LTBP2: variants seen among roughly 807,000 people sequenced by gnomAD.
LTBP2 encodes the protein latent-transforming growth factor beta-binding protein 2.
A neutral mutation model predicts 210.6 loss-of-function variants in LTBP2; 103 were observed. That is an observed-to-expected ratio of 0.49 (90% CI 0.42 to 0.58). LTBP2 has a LOEUF of 0.58. Among genes scored for constraint, LTBP2 ranks in the 20% least tolerant of loss-of-function variants. The pLI is 0.00. For synonymous variants in LTBP2, 1,007 were observed against 1,015.0 expected (o/e 0.99, Z 0.15); for missense variants, 2,313 against 2,494.5 (o/e 0.93, Z 1.55).
intron 8 of LTBP2, among the ~76,000 whole-genome samples, chr14:74,540,772 A>T (rs2087483451): frequency 1.2e-5 from 1 of 82,990 alleles, no homozygotes; most frequent in South Asian, 3.4e-4. Flanking sequence ...CTTAAAAAAT[A>T]TATATATATA....
intron 30 of LTBP2, 58 bp downstream of exon 30, chr14:74,504,720 G>A: frequency 6.5e-7 from 1 of 1,545,716 alleles, no homozygotes; most frequent in Non-Finnish European, 8.9e-7. Context: ...CCCTGTGGAG[G>A]AGCAGGCTAG....
chr14:74,585,651 T>C (rs951392102), intron 3 of LTBP2, among the ~76,000 whole-genome samples: 1 of 152,162 alleles, frequency 6.6e-6, no homozygotes, highest in Non-Finnish European at 1.5e-5. Flanking sequence ...CACCCCAGGC[T>C]GGCAAAGCCC....
rs1157885885 is a variant in LTBP2, at chr14:74,499,034, GAGTT to G, written c.*1846_*1849del. The stretch of plus-strand genomic sequence containing the variant: ...TAGAAGTGGAAACTACTGGATCAAA[GAGTT>G]AGTGCTTTTATAATTTTGAAGGACA... On this transcript the variant is annotated 3_prime_UTR_variant, in exon 36 of 36. Coordinates refer to ENST00000261978, the MANE Select transcript of LTBP2 (RefSeq NM_000428.3). 1 of 219,148 alleles carries G rather than the reference GAGTT, an allele frequency of 4.6e-6. No homozygotes were observed. Among genetic ancestry groups the G allele is most frequent in the African/African-American group, 2.2e-5 (1 of 44,638 alleles). 13.6% of individuals were successfully genotyped at this position (219,148 alleles called of 1,614,324 possible). A position where few individuals can be genotyped will look rare whatever the true frequency, so the allele number is the denominator to read the frequency against.
At chr14:74,514,830 C>T (rs983495912) in intron 18 of LTBP2, among the ~76,000 whole-genome samples, 2 of 152,122 alleles carry the variant, frequency 1.3e-5, no homozygotes, top group South Asian at 2.1e-4. Context: ...TGACTGGGCT[C>T]CCAGGGTGAT....
chr14:74,552,468 G>A, intron 5 of LTBP2, 75 bp from the exon 6 acceptor site: 1 of 1,407,512 alleles, frequency 7.1e-7, no homozygotes, highest in Non-Finnish European at 9.9e-7. Context: ...GACCACCACA[G>A]AGAAACAGGC....
intron 3 of LTBP2, among the ~76,000 whole-genome samples, chr14:74,562,176 C>G (rs1200030988): frequency 6.6e-6 from 1 of 151,458 alleles, no homozygotes; most frequent in Non-Finnish European, 1.5e-5. Flanking sequence ...CACCACTGCA[C>G]TCCAGCCTGG....
intron 4 of LTBP2, among the ~76,000 whole-genome samples, chr14:74,554,651 G>A (rs1346844938): frequency 1.3e-5 from 2 of 152,210 alleles, no homozygotes; most frequent in Admixed American, 6.5e-5. Context: ...GCCAGGGATA[G>A]GAGGGGAGAT....
chr14:74,562,100 C>T (rs1466113806), intron 3 of LTBP2, among the ~76,000 whole-genome samples: 1 of 151,954 alleles, frequency 6.6e-6, no homozygotes, highest in Non-Finnish European at 1.5e-5. Flanking sequence ...ATCCCAGCTA[C>T]TTTGGAGGCT....
At chr14:74,559,794 C>T (rs2087771054) in intron 3 of LTBP2, 1 of 152,284 alleles carries the variant, frequency 6.6e-6, no homozygotes, top group Non-Finnish European at 1.5e-5. Flanking sequence ...AGAGAAGGGT[C>T]TGGTGCCATG....
intron 2 of LTBP2, among the ~76,000 whole-genome samples, chr14:74,600,665 C>T (rs942607937): frequency 2.0e-5 from 3 of 152,140 alleles, no homozygotes; most frequent in Non-Finnish European, 2.9e-5. Context: ...TGAAGCCACC[C>T]GCTGCAGCTT....
At chr14:74,560,727 T>C (rs981724380) in intron 3 of LTBP2, among the ~76,000 whole-genome samples, 4 of 152,188 alleles carry the variant, frequency 2.6e-5, no homozygotes, top group African/African-American at 7.2e-5. Flanking sequence ...ATGGAAAATA[T>C]TTGGGGGGAA....
chr14:74,544,798 A>C (rs1412221698), intron 8 of LTBP2, among the ~76,000 whole-genome samples: 1 of 152,192 alleles, frequency 6.6e-6, no homozygotes, highest in African/African-American at 2.4e-5. Context: ...TGTGATCTGG[A>C]GCCCACTACT....
chr14:74,609,639 C>A (rs940401038), intron 1 of LTBP2, among the ~76,000 whole-genome samples: 1 of 152,172 alleles, frequency 6.6e-6, no homozygotes, highest in African/African-American at 2.4e-5. Context: ...CCCCCTCCTG[C>A]CACCTCCCCT....
intron 34 of LTBP2, 93 bp downstream of exon 34, chr14:74,502,560 T>C: frequency 6.4e-7 from 1 of 1,573,010 alleles, no homozygotes; most frequent in Non-Finnish European, 8.7e-7. Context: ...TTCCCAGTCC[T>C]CACCCTGCTG....
intron 3 of LTBP2, among the ~76,000 whole-genome samples, chr14:74,564,173 A>T (rs1314239959): frequency 4.5e-5 from 2 of 44,808 alleles, no homozygotes; most frequent in African/African-American, 2.1e-4. Flanking sequence ...TTATATATAT[A>T]TTTATATATA....
chr14:74,572,383 G>A (rs1435064545), intron 3 of LTBP2, among the ~76,000 whole-genome samples: 1 of 151,652 alleles, frequency 6.6e-6, no homozygotes, highest in Non-Finnish European at 1.5e-5. Context: ...AGGAGGAGGA[G>A]TGCCGAGACA....
Position 74,553,056 on chromosome 14 carries a change from T to A in LTBP2, c.1028A>T (p.Asn343Ile). ...GATCTTCTTGATTTTCTCCGTGAGG[T>A]TCAGCCCTGCAGAGAGAGGGCTTGG... ...LEHPSSPWGL[N>I]LTEKIKKIKI... Residue 343 changes from asparagine to isoleucine, a missense_variant, in exon 5 of 36, where the codon AAC becomes ATC. Asn to Ile is a moderately radical substitution (Grantham distance 149, BLOSUM62 -3). Coordinates refer to ENST00000261978, the MANE Select transcript of LTBP2 (RefSeq NM_000428.3). 1 of 1,614,130 alleles carries A rather than the reference T, an allele frequency of 6.2e-7. No individual in the cohort carries two copies. Among genetic ancestry groups the A allele is most frequent in the Non-Finnish European group, 8.5e-7 (1 of 1,180,016 alleles).
rs73310005 is a variant in LTBP2 at position 74,528,835 on chromosome 14, G to A, written c.2152+123C>T. ...GGGAGCCCCAGGTTGGGATAAGCAC[G>A]TGAGCAGGCAGGGAAGGCTACTTCA... On this transcript the variant is annotated intron_variant, in intron 11 of 35. Coordinates refer to ENST00000261978, the MANE Select transcript of LTBP2 (RefSeq NM_000428.3). 1,453 of 1,516,070 alleles carry A rather than the reference G, an allele frequency of 9.6e-4. 12 individuals carry two copies. In the African/African-American group the frequency reaches 0.015, roughly 15 times the overall value. The allele number at this position is 1,516,070 out of a possible 1,614,324, so 93.9% of individuals were successfully genotyped here. A position where few individuals can be genotyped will look rare whatever the true frequency, so the allele number is the denominator to read the frequency against.
At chr14:74,549,127 C>T (rs541590751) in intron 8 of LTBP2, among the ~76,000 whole-genome samples, 1 of 152,292 alleles carries the variant, frequency 6.6e-6, no homozygotes, top group East Asian at 1.9e-4. Flanking sequence ...CAGGCCCAGG[C>T]CCAGAAAGGA....
Sources: allele counts gnomAD v4.1 joint callset (sites outside exome capture counted in the v4.1 genomes callset), GRCh38; gene constraint gnomAD v4.1.1; transcripts MANE v1.5; gene names NCBI Gene and HGNC (gene_info 2026-07-23, HGNC 2026-07-21).